LRMDA: variants seen among roughly 807,000 people sequenced by gnomAD.
The protein encoded by LRMDA is leucine rich melanocyte differentiation associated, also known as leucine-rich melanocyte differentiation-associated protein.
LRMDA carries 18 observed loss-of-function variants against 29.8 expected under a neutral mutation model. That is an observed-to-expected ratio of 0.60 (90% CI 0.42 to 0.90). The LOEUF (loss-of-function observed/expected upper bound fraction) is 0.90, where lower values mean the gene tolerates loss of function less well. Ranked by LOEUF, LRMDA falls within the 40% of genes least tolerant of loss-of-function variation. The probability of loss-of-function intolerance (pLI) is 0.00; values close to 1 mark genes in which losing one functional copy is unlikely to be tolerated. For synonymous variants in LRMDA, 125 were observed against 109.4 expected, an observed-to-expected ratio of 1.14 and a Z score of -0.89; for missense variants, 273 against 273.9, an observed-to-expected ratio of 1.00 and a Z score of 0.02.
chr10:76,014,888 C>G (rs1847856829), intron 2 of LRMDA, among the ~76,000 whole-genome samples: 1 of 152,200 alleles, frequency 6.6e-6, no homozygotes, highest in Admixed American at 6.5e-5. Flanking sequence ...AGGCTAGCCT[C>G]CTGGCTGCAG....
intron 6 of LRMDA, among the ~76,000 whole-genome samples, chr10:76,544,426 C>T (rs1843394983): frequency 6.6e-6 from 1 of 152,146 alleles, no homozygotes; most frequent in Admixed American, 6.5e-5. Flanking sequence ...CCACTGTCAG[C>T]AGTGTCTGTC....
intron 4 of LRMDA, among the ~76,000 whole-genome samples, chr10:76,055,607 G>A (rs550881356): frequency 6.6e-6 from 1 of 152,356 alleles, no homozygotes; most frequent in South Asian, 2.1e-4. Context: ...TGCCTGCCAA[G>A]GGTGAGCCAG....
At chr10:76,031,373 A>G (rs940539719) in intron 2 of LRMDA, among the ~76,000 whole-genome samples, 13 of 152,238 alleles carry the variant, frequency 8.5e-5, no homozygotes, top group African/African-American at 2.4e-4. Context: ...CCTCTGAAAG[A>G]ATACGAGTCT....
At chr10:76,516,993 C>A (rs79389056) in intron 6 of LRMDA, among the ~76,000 whole-genome samples, 3,245 of 152,138 alleles carry the variant, frequency 0.021, 71 homozygotes, top group South Asian at 0.1. Flanking sequence ...AATAGACTAT[C>A]ATTGAAGAGA....
At chr10:76,234,865 C>T (rs1404208826) in intron 5 of LRMDA, among the ~76,000 whole-genome samples, 1 of 152,188 alleles carries the variant, frequency 6.6e-6, no homozygotes, top group Non-Finnish European at 1.5e-5. Context: ...ATCTTCTATC[C>T]ATACCGCTAA....
intron 2 of LRMDA, among the ~76,000 whole-genome samples, chr10:75,900,698 A>T (rs1420969567): frequency 6.6e-6 from 1 of 152,034 alleles, no homozygotes; most frequent in Admixed American, 6.5e-5. Context: ...GTCTAAGTGG[A>T]CCTCACTGCA....
chr10:75,990,532 A>G (rs1274588226), intron 2 of LRMDA, among the ~76,000 whole-genome samples: 2 of 152,236 alleles, frequency 1.3e-5, no homozygotes, highest in African/African-American at 4.8e-5. Context: ...TGGAATTCAA[A>G]TTCTAATATT....
At chr10:76,234,590 A>T (rs1852117595) in intron 5 of LRMDA, among the ~76,000 whole-genome samples, 1 of 152,158 alleles carries the variant, frequency 6.6e-6, no homozygotes, top group Non-Finnish European at 1.5e-5. Flanking sequence ...TCTACATTGG[A>T]AATCTGTTGT....
chr10:76,282,508 T>C (rs1163380215), intron 5 of LRMDA, among the ~76,000 whole-genome samples: 2 of 152,192 alleles, frequency 1.3e-5, no homozygotes, highest in Admixed American at 1.3e-4. Context: ...TGGAGGTCTA[T>C]GATAACAAAG....
intron 6 of LRMDA, among the ~76,000 whole-genome samples, chr10:76,390,809 C>A (rs1469932954): frequency 1.3e-5 from 2 of 152,174 alleles, no homozygotes; most frequent in African/African-American, 4.8e-5. Flanking sequence ...CTCTGATTTA[C>A]TCCTGGATAG....
chr10:76,223,737 C>T (rs1416826799), intron 5 of LRMDA, among the ~76,000 whole-genome samples: 1 of 152,128 alleles, frequency 6.6e-6, no homozygotes, highest in African/African-American at 2.4e-5. Flanking sequence ...CTTTAGCCTC[C>T]AGAACTGTGA....
At chr10:76,257,214 T>G (rs1345218557) in intron 5 of LRMDA, among the ~76,000 whole-genome samples, 1 of 152,064 alleles carries the variant, frequency 6.6e-6, no homozygotes, top group Non-Finnish European at 1.5e-5. Flanking sequence ...ATTAAAAAAA[T>G]AATAATTACT....
At chr10:75,678,987 T>A (rs1433191124) in intron 2 of LRMDA, among the ~76,000 whole-genome samples, 1 of 152,088 alleles carries the variant, frequency 6.6e-6, no homozygotes, top group East Asian at 1.9e-4. Context: ...TGGGGCCACA[T>A]CCTTAAATCA....
chr10:76,159,519 T>A, intron 5 of LRMDA, among the ~76,000 whole-genome samples: 1 of 152,188 alleles, frequency 6.6e-6, no homozygotes, highest in East Asian at 1.9e-4. Context: ...GATCCAGCCA[T>A]CACACTCCTT....
chr10:75,435,238 A>G (rs1844251083), intron 1 of LRMDA, among the ~76,000 whole-genome samples: 1 of 152,226 alleles, frequency 6.6e-6, no homozygotes, highest in South Asian at 2.1e-4. Context: ...TAATCTCTGT[A>G]TCCCGTCTCC....
At chr10:76,463,136 C>A (rs975625611) in intron 6 of LRMDA, among the ~76,000 whole-genome samples, 14 of 152,150 alleles carry the variant, frequency 9.2e-5, no homozygotes, top group African/African-American at 3.4e-4. Flanking sequence ...CTCCAAACTG[C>A]CCTTCTTTGA....
At chr10:76,033,355 CT>C (rs1358479344) in intron 2 of LRMDA, among the ~76,000 whole-genome samples, 1 of 152,200 alleles carries the variant, frequency 6.6e-6, no homozygotes, top group East Asian at 1.9e-4. Context: ...CAAAAAGAGT[CT>C]CAAAACCAGA....
intron 2 of LRMDA, among the ~76,000 whole-genome samples, chr10:76,003,355 C>A (rs914120880): frequency 6.6e-6 from 1 of 152,116 alleles, no homozygotes; most frequent in Non-Finnish European, 1.5e-5. Flanking sequence ...GTGGAAGGAA[C>A]GTCCCCTGGC....
At chr10:75,476,136 G>A (rs549977124) in intron 2 of LRMDA, among the ~76,000 whole-genome samples, 1 of 152,224 alleles carries the variant, frequency 6.6e-6, no homozygotes. Context: ...AAAGTGGTGT[G>A]ATCCAAGTCT....
Sources: gnomAD v4.1 joint callset for allele counts (sites outside exome capture counted in the v4.1 genomes callset) on GRCh38, gnomAD v4.1.1 for gene constraint, MANE v1.5 for transcripts, NCBI Gene and HGNC (gene_info 2026-07-23, HGNC 2026-07-21) for gene names.